Variants in TTC28 observed in about 807,000 individuals in gnomAD.
TTC28 encodes the protein tetratricopeptide repeat domain 28.
TTC28 carries 61 observed loss-of-function variants against 198.0 expected under a neutral mutation model. That is an observed-to-expected ratio of 0.31 (90% CI 0.25 to 0.38). The LOEUF (loss-of-function observed/expected upper bound fraction) is 0.38, where lower values mean the gene tolerates loss of function less well. Among genes scored for constraint, TTC28 ranks in the 10% least tolerant of loss-of-function variants. The pLI, the probability that TTC28 is intolerant of heterozygous loss-of-function variation, is 1.00. For missense variants in TTC28, 2,678 were observed against 3,164.0 expected, an observed-to-expected ratio of 0.85 and a Z score of 3.69; for synonymous variants, 1,171 against 1,297.8, an observed-to-expected ratio of 0.90 and a Z score of 2.10.
chr22:28,671,896 G>A lies in TTC28; in HGVS notation c.102+7726C>T, dbSNP rs945888597. 3.3e-5 allele frequency among the ~76,000 whole-genome samples: 5 copies of A among 151,582 alleles called. No individual in the cohort carries two copies. The Middle Eastern group carries it at 0.01, about 311-fold the overall frequency. On this transcript the variant is annotated intron_variant, in intron 1 of 22. Coordinates refer to ENST00000397906, the MANE Select transcript of TTC28 (RefSeq NM_001145418.2). ...TCACCATGATGCCCAGGCTGGTCTCGAACTCCTGACCCCAAGTCATCTGCC... is the reference window on the plus strand; with the variant it reads ...TCACCATGATGCCCAGGCTGGTCTCAAACTCCTGACCCCAAGTCATCTGCC...
intron 12 of TTC28, among the ~76,000 whole-genome samples, chr22:28,047,955 T>G (rs1939933601): frequency 6.6e-6 from 1 of 152,148 alleles, no homozygotes; most frequent in African/African-American, 2.4e-5. Context: ...GGAATAAGCC[T>G]GTTGCTCAAA....
chr22:28,086,534 A>T (rs1443922429), intron 12 of TTC28, among the ~76,000 whole-genome samples: 1 of 152,214 alleles, frequency 6.6e-6, no homozygotes, highest in Non-Finnish European at 1.5e-5. Flanking sequence ...GGACATTTAT[A>T]GCACTAAATG....
At chr22:28,001,161 G>A in intron 15 of TTC28, 1 of 552,378 alleles carries the variant, frequency 1.8e-6, no homozygotes, top group East Asian at 3.0e-5. Context: ...GGCTTCCCAA[G>A]GCAGCAAAGA....
chr22:28,614,329 T>C (rs1358654582), intron 2 of TTC28, among the ~76,000 whole-genome samples: 8 of 152,224 alleles, frequency 5.3e-5, no homozygotes, highest in Non-Finnish European at 1.5e-5. Flanking sequence ...TCCATGCTCA[T>C]GGATAGGAAG....
At chr22:28,651,102 G>C (rs2051556822) in intron 1 of TTC28, among the ~76,000 whole-genome samples, 1 of 152,178 alleles carries the variant, frequency 6.6e-6, no homozygotes, top group Non-Finnish European at 1.5e-5. Context: ...GCCCTTTATA[G>C]AAAGTATGCC....
At chr22:28,598,852 C>G (rs886245795) in intron 2 of TTC28, among the ~76,000 whole-genome samples, 1 of 152,140 alleles carries the variant, frequency 6.6e-6, no homozygotes, top group Non-Finnish European at 1.5e-5. Context: ...TTATTCCCAT[C>G]GCATTAAGGA....
intron 2 of TTC28, among the ~76,000 whole-genome samples, chr22:28,502,633 G>A (rs1032146932): frequency 2.0e-5 from 3 of 151,746 alleles, no homozygotes; most frequent in African/African-American, 7.2e-5. Context: ...GGGTGGCAGA[G>A]CAAGGCTCCG....
intron 2 of TTC28, among the ~76,000 whole-genome samples, chr22:28,587,569 C>T (rs1436259467): frequency 6.6e-6 from 1 of 151,850 alleles, no homozygotes; most frequent in African/African-American, 2.4e-5. Flanking sequence ...AATCTCAGCT[C>T]ACTGCAAGCT....
rs796791417 is a variant in TTC28, at chr22:28,139,759, G to A, written c.1441+23333C>T. Among the ~76,000 whole-genome samples the A allele has an allele frequency of 8.7e-5, 13 of 149,730 alleles. 1 individual carries two copies. Among genetic ancestry groups the A allele is most frequent in the African/African-American group, 1.7e-4 (7 of 40,576 alleles). ...GACTGGAGTATACAATCCCCACAGC[G>A]CCTCTCCAGCTCCAAAATTTGTAAT... On this transcript the variant is annotated intron_variant, in intron 6 of 22. Transcript: ENST00000397906.
At chr22:28,677,049 G>A (rs2052000635) in intron 1 of TTC28, among the ~76,000 whole-genome samples, 1 of 150,730 alleles carries the variant, frequency 6.6e-6, no homozygotes, top group Non-Finnish European at 1.5e-5. Flanking sequence ...CAGCTACTTG[G>A]GAGGCTAAGG....
At chr22:28,164,468 G>A (rs1921646259) in intron 5 of TTC28, among the ~76,000 whole-genome samples, 1 of 152,168 alleles carries the variant, frequency 6.6e-6, no homozygotes, top group African/African-American at 2.4e-5. Context: ...CGATCAGGCA[G>A]CAGCATTTGC....
At chr22:28,383,830 T>C (rs1452855525) in intron 2 of TTC28, among the ~76,000 whole-genome samples, 1 of 152,250 alleles carries the variant, frequency 6.6e-6, no homozygotes, top group Non-Finnish European at 1.5e-5. Flanking sequence ...ACATAGCAGC[T>C]AGGATGATCC....
At chr22:28,115,336 T>A (rs934712582) in intron 6 of TTC28, among the ~76,000 whole-genome samples, 4 of 152,140 alleles carry the variant, frequency 2.6e-5, no homozygotes, top group Non-Finnish European at 1.5e-5. Flanking sequence ...TAGTCCACAC[T>A]CTTTTACCTT....
At chr22:28,418,629 A>G (rs1427516732) in intron 2 of TTC28, among the ~76,000 whole-genome samples, 1 of 152,234 alleles carries the variant, frequency 6.6e-6, no homozygotes, top group Non-Finnish European at 1.5e-5. Flanking sequence ...AGAGGCACAC[A>G]GAGAGAAAGA....
At chr22:28,313,306 CT>C (rs1173766562) in intron 2 of TTC28, among the ~76,000 whole-genome samples, 1 of 152,188 alleles carries the variant, frequency 6.6e-6, no homozygotes, top group Non-Finnish European at 1.5e-5. Flanking sequence ...GATACCATTG[CT>C]TCTGAAACTA....
intron 5 of TTC28, among the ~76,000 whole-genome samples, chr22:28,271,982 T>G (rs959038008): frequency 6.6e-6 from 1 of 152,172 alleles, no homozygotes; most frequent in Non-Finnish European, 1.5e-5. Context: ...GACATGCCTT[T>G]TGCCTTCCGC....
At chr22:27,992,437 C>A in intron 19 of TTC28, 150 bp downstream of exon 19, 1 of 795,390 alleles carries the variant, frequency 1.3e-6, no homozygotes. Flanking sequence ...CAGGGCTATT[C>A]TCTTACTCCC....
intron 2 of TTC28, among the ~76,000 whole-genome samples, chr22:28,388,414 G>C (rs2046653857): frequency 6.6e-6 from 1 of 152,190 alleles, no homozygotes; most frequent in South Asian, 2.1e-4. Context: ...GGATGACATT[G>C]AATCTGTAAA....
intron 2 of TTC28, among the ~76,000 whole-genome samples, chr22:28,335,019 G>A (rs1360371029): frequency 6.6e-6 from 1 of 152,084 alleles, no homozygotes; most frequent in Non-Finnish European, 1.5e-5. Context: ...CCCATCTTGA[G>A]TTGATTTTTG....
Sources: gnomAD v4.1 joint callset for allele counts (sites outside exome capture counted in the v4.1 genomes callset) on GRCh38, gnomAD v4.1.1 for gene constraint, MANE v1.5 for transcripts, NCBI Gene and HGNC (gene_info 2026-07-23, HGNC 2026-07-21) for gene names.